Variants in TSPAN9 observed in about 807,000 individuals in gnomAD.
The protein encoded by TSPAN9 is tetraspanin-9.
TSPAN9 carries 16 observed loss-of-function variants against 31.0 expected under a neutral mutation model. The observed-to-expected ratio is 0.52, with a 90% CI of 0.35 to 0.78. The LOEUF (loss-of-function observed/expected upper bound fraction) is 0.78. Ranked by LOEUF, TSPAN9 falls within the 30% of genes least tolerant of loss-of-function variation. The pLI is 0.01. For synonymous variants in TSPAN9, 145 were observed against 121.6 expected, an observed-to-expected ratio of 1.19 and a Z score of -1.27; for missense variants, 272 against 312.5, an observed-to-expected ratio of 0.87 and a Z score of 0.98.
chr12:3,119,234 T>G lies in TSPAN9; in HGVS notation c.-18+35515T>G, dbSNP rs116229877. 8.7e-3 allele frequency among the ~76,000 whole-genome samples: 1,324 copies of G among 152,230 alleles called. 20 individuals are homozygous for G. The highest frequency in any genetic ancestry group is 0.029 in the African/African-American group (1,206 of 41,534). On this transcript the variant is annotated intron_variant, in intron 2 of 8. Coordinates refer to ENST00000011898, the MANE Select transcript of TSPAN9 (RefSeq NM_006675.5). ...ATACCAGGAGGGAAGTCTCAGTGGTTTGAATAACCAGCAGTTCCTGCTTTA... is the reference window on the plus strand; with the variant it reads ...ATACCAGGAGGGAAGTCTCAGTGGTGTGAATAACCAGCAGTTCCTGCTTTA...
At chr12:3,188,624 C>T (rs967681256) in intron 2 of TSPAN9, among the ~76,000 whole-genome samples, 2 of 152,226 alleles carry the variant, frequency 1.3e-5, no homozygotes, top group South Asian at 2.1e-4. Flanking sequence ...GATGTGGAAG[C>T]GCCTCTTGGG....
At chr12:3,123,188 G>A (rs562663497) in intron 2 of TSPAN9, among the ~76,000 whole-genome samples, 1 of 152,170 alleles carries the variant, frequency 6.6e-6, no homozygotes, top group South Asian at 2.1e-4. Context: ...TTTGTCCAGG[G>A]TTAGCTCGGG....
intron 3 of TSPAN9, among the ~76,000 whole-genome samples, chr12:3,275,829 A>AC (rs35792604): frequency 6.6e-6 from 1 of 150,958 alleles, no homozygotes; most frequent in African/African-American, 2.4e-5. Context: ...AATCATTCGG[A>AC]CCCCCCTGCA....
At chr12:3,165,130 G>C (rs963701482) in intron 2 of TSPAN9, among the ~76,000 whole-genome samples, 1 of 152,194 alleles carries the variant, frequency 6.6e-6, no homozygotes, top group African/African-American at 2.4e-5. Context: ...AGAGACAGGT[G>C]GTGGAGCTAG....
intron 3 of TSPAN9, among the ~76,000 whole-genome samples, chr12:3,224,806 C>T (rs535452008): frequency 2.6e-5 from 4 of 152,328 alleles, no homozygotes; most frequent in South Asian, 2.1e-4. Context: ...CTGTCAGCTT[C>T]GCTTCAGCAG....
intron 2 of TSPAN9, among the ~76,000 whole-genome samples, chr12:3,104,740 CT>C (rs2098313455): frequency 6.6e-6 from 1 of 152,204 alleles, no homozygotes; most frequent in Non-Finnish European, 1.5e-5. Context: ...CGCCCAGCAA[CT>C]TTACTCCAAT....
intron 8 of TSPAN9, chr12:3,282,114 C>G (rs1256421921): frequency 3.2e-6 from 2 of 632,046 alleles, no homozygotes; most frequent in Non-Finnish European, 5.8e-6. Flanking sequence ...ACCTTGAGCT[C>G]AGAGAGCCAT....
Position 3,139,872 on chromosome 12 carries a change from C to T in TSPAN9, c.-18+56153C>T, listed in dbSNP as rs11836909. Among the ~76,000 whole-genome samples the T allele has an allele frequency of 9.0e-3, 1,370 of 152,318 alleles. 23 individuals carry two copies. The highest frequency in any genetic ancestry group is 0.03 in the African/African-American group (1,263 of 41,558). On this transcript the variant is annotated intron_variant, in intron 2 of 8. Transcript: ENST00000011898. Reference sequence around the variant, plus strand: ...CTCAGATAGCTTTTATGTTCCTTCACAGCAGGTGACTCTCTAGCCCCTGCA... The same window carrying T: ...CTCAGATAGCTTTTATGTTCCTTCATAGCAGGTGACTCTCTAGCCCCTGCA...
intron 8 of TSPAN9, 139 bp downstream of exon 8, chr12:3,281,956 G>A: frequency 9.3e-6 from 9 of 965,152 alleles, no homozygotes; most frequent in Non-Finnish European, 1.5e-5. Flanking sequence ...CTTAGCAGCT[G>A]TGCCTGCCAC....
chr12:3,146,591 GT>G (rs983636706), intron 2 of TSPAN9, among the ~76,000 whole-genome samples: 1 of 152,164 alleles, frequency 6.6e-6, no homozygotes, highest in African/African-American at 2.4e-5. Context: ...CTTGGAATAA[GT>G]TTAAATGCCT....
rs1394995508 is a variant in TSPAN9 at position 3,243,693 on chromosome 12, A to AG, written c.64-34724dup. Among the ~76,000 whole-genome samples the AG allele has an allele frequency of 6.6e-5, 10 of 152,208 alleles. No individual in the cohort carries two copies. In the East Asian group the frequency reaches 1.9e-3, roughly 30 times the overall value. ...TCCTCTTCAGGGAGGGTGACAGCGT[A>AG]GGGGTTGACGCCCGTGGTCTGGTCT... On this transcript the variant is annotated intron_variant, in intron 3 of 8. Coordinates refer to ENST00000011898, the MANE Select transcript of TSPAN9 (RefSeq NM_006675.5).
At chr12:3,089,522 C>T (rs1259549330) in intron 2 of TSPAN9, among the ~76,000 whole-genome samples, 1 of 151,824 alleles carries the variant, frequency 6.6e-6, no homozygotes, top group Non-Finnish European at 1.5e-5. Flanking sequence ...GTCTCGATCT[C>T]CTGACCTCGT....
chr12:3,111,568 A>G lies in TSPAN9; in HGVS notation c.-18+27849A>G, dbSNP rs188836958. On this transcript the variant is annotated intron_variant, in intron 2 of 8. Transcript: ENST00000011898. The stretch of plus-strand genomic sequence containing the variant: ...GTGACACAAAATAGATACTAACACA[A>G]AAAATGATAAGAATGATCAGTGTTT... 5.9e-5 allele frequency among the ~76,000 whole-genome samples: 9 copies of G among 152,288 alleles called. No homozygotes were observed. In the East Asian group the frequency reaches 1.4e-3, roughly 23 times the overall value.
rs560687812 is a variant in TSPAN9 at position 3,109,307 on chromosome 12, A to AGAGAGTGTGTGT, written c.-18+25589_-18+25590insAGAGTGTGTGTG. Among the ~76,000 whole-genome samples, 31 of 143,320 alleles carry AGAGAGTGTGTGT rather than the reference A, an allele frequency of 2.2e-4. 1 individual carries two copies. The highest frequency in any genetic ancestry group is 8.3e-4 in the African/African-American group (30 of 36,148). The allele number at this position is 143,320 out of a possible 152,430, so 94.0% of individuals were successfully genotyped here. A position where few individuals can be genotyped will look rare whatever the true frequency, so the allele number is the denominator to read the frequency against. ...GTGTGTGTGTGTGTGTGTGAGAGAG[A>AGAGAGTGTGTGT]GTGTGTGTGTGTGTGTGTGTTTGTG... On this transcript the variant is annotated intron_variant, in intron 2 of 8. Coordinates refer to ENST00000011898, the MANE Select transcript of TSPAN9 (RefSeq NM_006675.5).
chr12:3,116,789 G>A (rs1367640443), intron 2 of TSPAN9, among the ~76,000 whole-genome samples: 1 of 152,198 alleles, frequency 6.6e-6, no homozygotes, highest in Non-Finnish European at 1.5e-5. Context: ...CAACCTGGGA[G>A]TATTTGACAA....
At chr12:3,091,537 C>T (rs2098304618) in intron 2 of TSPAN9, among the ~76,000 whole-genome samples, 1 of 152,138 alleles carries the variant, frequency 6.6e-6, no homozygotes, top group Non-Finnish European at 1.5e-5. Flanking sequence ...TTCTCCCCAG[C>T]ACCAATCATT....
At chr12:3,268,656 CCG>C (rs1277492657) in intron 3 of TSPAN9, among the ~76,000 whole-genome samples, 9 of 125,676 alleles carry the variant, frequency 7.2e-5, no homozygotes, top group African/African-American at 2.9e-4. Flanking sequence ...AGCCTGCCCT[CCG>C]TGCGTTCCTG....
intron 2 of TSPAN9, among the ~76,000 whole-genome samples, chr12:3,118,199 A>G (rs2153965930): frequency 6.7e-6 from 1 of 149,450 alleles, no homozygotes; most frequent in African/African-American, 2.5e-5. Flanking sequence ...CCTCATTTCC[A>G]GCACTAACAG....
intron 2 of TSPAN9, among the ~76,000 whole-genome samples, chr12:3,128,785 C>T (rs972540184): frequency 6.6e-6 from 1 of 152,236 alleles, no homozygotes; most frequent in African/African-American, 2.4e-5. Flanking sequence ...ATATACGCAA[C>T]ATAAAATTGA....
Sources: gnomAD v4.1 joint callset for allele counts (sites outside exome capture counted in the v4.1 genomes callset) on GRCh38, gnomAD v4.1.1 for gene constraint, MANE v1.5 for transcripts, NCBI Gene and HGNC (gene_info 2026-07-23, HGNC 2026-07-21) for gene names.